The following SLC1A1 variants were observed in gnomAD, a reference collection of about 807,000 sequenced individuals.
The protein encoded by SLC1A1 is solute carrier family 1 member 1.
In SLC1A1, 43 loss-of-function variants were observed where a neutral mutation model predicts 53.3. The observed-to-expected ratio is 0.81, with a 90% CI of 0.63 to 1.04. The LOEUF is 1.04. SLC1A1 is among the 50% of genes least tolerant of loss of function. The pLI is 0.00. For synonymous variants in SLC1A1, 307 were observed against 243.2 expected (o/e 1.26, Z -2.44); for missense variants, 748 against 664.9 (o/e 1.12, Z -1.37).
chr9:4,562,386 C>G (rs1362417108), intron 3 of SLC1A1, among the ~76,000 whole-genome samples: 1 of 152,038 alleles, frequency 6.6e-6, no homozygotes, highest in Non-Finnish European at 1.5e-5. Context: ...TTACATAATT[C>G]TTAAAGTGGA....
rs577724505 is a variant in SLC1A1, at chr9:4,515,456, G to A, written c.91+24686G>A. Among the ~76,000 whole-genome samples the A allele has an allele frequency of 1.4e-4, 21 of 152,306 alleles. No individual in the cohort carries two copies. The South Asian group carries it at 2.1e-3, about 15-fold the overall frequency. On this transcript the variant is annotated intron_variant, in intron 1 of 11. Transcript: ENST00000262352. ...TCTCATGTGCAGGTATCCAGGTAGAGTCCCAGCAGGTAATTGTATATTGAG... is the reference window on the plus strand; with the variant it reads ...TCTCATGTGCAGGTATCCAGGTAGAATCCCAGCAGGTAATTGTATATTGAG...
In SLC1A1 at chr9:4,556,301, T is replaced by C. The variant is rs1818378141; in HGVS notation, c.233-5148T>C. Among the ~76,000 whole-genome samples, 1 of 152,234 alleles carries C rather than the reference T, an allele frequency of 6.6e-6. No homozygotes were observed. The highest frequency in any genetic ancestry group is 1.5e-5 in the Non-Finnish European group (1 of 68,042). ...TCCCAAAGTGCTGGGATTACCGGCG[T>C]GAGCCACTACGCCCCGCCCCTATCT... On this transcript the variant is annotated intron_variant, in intron 2 of 11. Coordinates refer to ENST00000262352, the MANE Select transcript of SLC1A1 (RefSeq NM_004170.6). The surrounding 1 kb of genome is among the most constrained non-coding windows in gnomAD (Gnocchi z 4.1).
chr9:4,506,653 C>T (rs1360308781), intron 1 of SLC1A1, among the ~76,000 whole-genome samples: 1 of 152,032 alleles, frequency 6.6e-6, no homozygotes, highest in African/African-American at 2.4e-5. Flanking sequence ...AACCTCAAGT[C>T]AGTAACTGTG....
chr9:4,566,841 T>C (rs568042464), intron 5 of SLC1A1, among the ~76,000 whole-genome samples: 3 of 152,228 alleles, frequency 2.0e-5, no homozygotes, highest in African/African-American at 4.8e-5. Flanking sequence ...TATTTATCTA[T>C]GTGCTTTAAG....
At chr9:4,515,687 C>T (rs10974588) in intron 1 of SLC1A1, among the ~76,000 whole-genome samples, 44,475 of 152,020 alleles carry the variant, frequency 0.29, 6,609 homozygotes, top group South Asian at 0.37. Flanking sequence ...GTTTTCACTC[C>T]TAGAGTACTG....
intron 1 of SLC1A1, among the ~76,000 whole-genome samples, chr9:4,508,038 C>T (rs958052540): frequency 3.9e-5 from 6 of 152,108 alleles, no homozygotes; most frequent in Non-Finnish European, 7.3e-5. Flanking sequence ...CCAAACCGTA[C>T]AAGTCTGAGC....
chr9:4,566,962 C>T (rs1296568257), intron 5 of SLC1A1, among the ~76,000 whole-genome samples: 4 of 152,156 alleles, frequency 2.6e-5, no homozygotes, highest in East Asian at 3.8e-4. Context: ...CCGGCCTCCA[C>T]GAGGGACAGA....
chr9:4,505,071 C>T, intron 1 of SLC1A1, among the ~76,000 whole-genome samples: 1 of 91,772 alleles, frequency 1.1e-5, no homozygotes. Flanking sequence ...TTTTGAGATA[C>T]AGCCTCACTA....
chr9:4,545,166 G>A (rs1817365816), intron 2 of SLC1A1, among the ~76,000 whole-genome samples: 1 of 120,544 alleles, frequency 8.3e-6, no homozygotes, highest in African/African-American at 3.0e-5. Context: ...TCTAATTACG[G>A]GAAAAATTGA....
intron 1 of SLC1A1, among the ~76,000 whole-genome samples, chr9:4,512,927 G>A (rs1210687576): frequency 1.3e-5 from 2 of 152,002 alleles, no homozygotes; most frequent in Non-Finnish European, 2.9e-5. Context: ...ACTGTACCTG[G>A]CCCTCCAATT....
At chr9:4,568,191 G>A (rs539858891) in intron 6 of SLC1A1, among the ~76,000 whole-genome samples, 7 of 152,124 alleles carry the variant, frequency 4.6e-5, no homozygotes, top group South Asian at 2.1e-4. Flanking sequence ...ATGCCGAGGC[G>A]GGAGGATCGC....
chr9:4,545,187 A>ACGTCTCTCTCTCTCTCTCTCTCTCTC (rs1482539598), intron 2 of SLC1A1, among the ~76,000 whole-genome samples: 31 of 48,978 alleles, frequency 6.3e-4, no homozygotes, highest in African/African-American at 1.9e-3. Context: ...AATACATTAG[A>ACGTCTCTCTCTCTCTCTCTCTCTCTC]TGTCTCTCTC....
chr9:4,551,371 A>C (rs1319265562), intron 2 of SLC1A1, among the ~76,000 whole-genome samples: 4 of 152,098 alleles, frequency 2.6e-5, no homozygotes, highest in African/African-American at 9.7e-5. Context: ...CTGCATGAAA[A>C]CAGACTAACA....
chr9:4,545,201 C>CTCTCTCTCTCTCTG (rs1201378247), intron 2 of SLC1A1, among the ~76,000 whole-genome samples: 2 of 151,286 alleles, frequency 1.3e-5, no homozygotes, highest in African/African-American at 2.4e-5. Context: ...CTCTCTCTCT[C>CTCTCTCTCTCTCTG]TCTCTCTCTC....
intron 1 of SLC1A1, among the ~76,000 whole-genome samples, chr9:4,527,039 A>G (rs1816287232): frequency 6.6e-6 from 1 of 152,174 alleles, no homozygotes; most frequent in Non-Finnish European, 1.5e-5. Flanking sequence ...GGAAGCCCTT[A>G]AAGAGACTGG....
At chr9:4,537,185 A>T (rs1236367449) in intron 1 of SLC1A1, among the ~76,000 whole-genome samples, 1 of 152,144 alleles carries the variant, frequency 6.6e-6, no homozygotes, top group East Asian at 1.9e-4. Flanking sequence ...CTAAAACTTA[A>T]ATAATAAAAA....
At position 4,572,125 on chromosome 9, in the gene SLC1A1, A is replaced by G. The variant is rs555037333; in HGVS notation, c.583-79A>G. The G allele has an allele frequency of 1.1e-4, 128 of 1,183,056 alleles. 1 individual carries two copies. Among genetic ancestry groups the G allele is most frequent in the African/African-American group, 9.4e-4 (63 of 66,836 alleles). 73.3% of individuals were successfully genotyped at this position (1,183,056 alleles called of 1,614,324 possible). ...CCAGTTTATTATGTTTGGTCATTGTATCTTCTCATTTCTGGACCTGTGCTT... is the reference window on the plus strand; with the variant it reads ...CCAGTTTATTATGTTTGGTCATTGTGTCTTCTCATTTCTGGACCTGTGCTT... On this transcript the variant is annotated intron_variant, in intron 6 of 11. Coordinates refer to ENST00000262352, the MANE Select transcript of SLC1A1 (RefSeq NM_004170.6).
chr9:4,534,100 G>C (rs1044400402), intron 1 of SLC1A1, among the ~76,000 whole-genome samples: 7 of 152,154 alleles, frequency 4.6e-5, no homozygotes, highest in African/African-American at 1.4e-4. Context: ...GCCCACAACA[G>C]AAAGCAGGAA....
At chr9:4,513,811 A>G (rs977117950) in intron 1 of SLC1A1, among the ~76,000 whole-genome samples, 32 of 152,224 alleles carry the variant, frequency 2.1e-4, no homozygotes, top group African/African-American at 7.2e-4. Context: ...ATATTCTTCA[A>G]TAAGTAAATA....
Sources: gnomAD v4.1 joint callset for allele counts (sites outside exome capture counted in the v4.1 genomes callset) on GRCh38, gnomAD v4.1.1 for gene constraint, Gnocchi (gnomAD v3.1) non-coding constraint, MANE v1.5 for transcripts, NCBI Gene and HGNC (gene_info 2026-07-23, HGNC 2026-07-21) for gene names.